Variants in SPTBN2 observed in about 807,000 individuals in gnomAD.
SPTBN2 encodes spectrin beta chain, non-erythrocytic 2.
In SPTBN2, 107 loss-of-function variants were observed where a neutral mutation model predicts 284.2. The ratio of observed to expected loss-of-function variants is 0.38; its 90% CI spans 0.32 to 0.44. The LOEUF is 0.44. Ranked by LOEUF, SPTBN2 falls within the 20% of genes least tolerant of loss-of-function variation. SPTBN2 has a pLI of 1.00. For synonymous variants in SPTBN2, 1,289 were observed against 1,354.8 expected, an observed-to-expected ratio of 0.95 and a Z score of 1.07; for missense variants, 2,569 against 3,287.1, an observed-to-expected ratio of 0.78 and a Z score of 5.34.
rs376246310 is a variant in SPTBN2, at chr11:66,701,661, G to A, written c.2739C>T (p.Asp913=). 3 of 1,614,000 alleles carry A rather than the reference G, an allele frequency of 1.9e-6. No homozygotes were observed. Among genetic ancestry groups the A allele is most frequent in the African/African-American group, 1.3e-5 (1 of 74,898 alleles). ...TGGCCTTCAGTAACTGCTCGGCAAT[G>A]TCATTCACCGCGGTGATTTGTGCTG... ...TLAAQITAVN[D]IAEQLLKANP... is the part of the protein sequence containing the mutation. Residue 913 remains aspartate (D), a synonymous_variant, in exon 16 of 38, where the codon GAC becomes GAT. Coordinates refer to ENST00000533211, the MANE Select transcript of SPTBN2 (RefSeq NM_006946.4).
chr11:66,741,691 G>C (rs1360612681), intron 1 of SPTBN2, among the ~76,000 whole-genome samples: 3 of 152,136 alleles, frequency 2.0e-5, no homozygotes, highest in African/African-American at 7.2e-5. Context: ...CCTTAACCAA[G>C]GGCAGGTCAT....
At chr11:66,702,974 T>TC (rs1389465560) in intron 15 of SPTBN2, among the ~76,000 whole-genome samples, 1 of 151,390 alleles carries the variant, frequency 6.6e-6, no homozygotes, top group Non-Finnish European at 1.5e-5. Flanking sequence ...AAAAAAACTT[T>TC]ATTTACAGAA....
chr11:66,694,371 C>T lies in SPTBN2; in HGVS notation c.4279-8G>A, dbSNP rs369614446. On this transcript the variant is annotated splice_polypyrimidine_tract_variant and splice_region_variant and intron_variant, in intron 21 of 37. Coordinates refer to ENST00000533211, the MANE Select transcript of SPTBN2 (RefSeq NM_006946.4). ...CATCTCCCATTCCAGCATCTGCAAA[C>T]CGCCAGGAGGAAGGACATGTTAGCT... is the stretch of plus-strand genomic sequence containing the variant. 845 of 1,613,550 alleles carry T rather than the reference C, an allele frequency of 5.2e-4. 11 individuals are homozygous for T. The South Asian group carries it at 8.6e-3, about 16-fold the overall frequency.
intron 13 of SPTBN2, among the ~76,000 whole-genome samples, chr11:66,706,309 C>A (rs754695514): frequency 6.6e-6 from 1 of 152,226 alleles, no homozygotes; most frequent in Non-Finnish European, 1.5e-5. Context: ...CTCTCCCCCT[C>A]TCAAAACCTT....
Position 66,692,742 on chromosome 11 carries a change from T to C in SPTBN2, c.4986-2A>G, listed in dbSNP as rs1450514987. On this transcript the variant is annotated splice_acceptor_variant, in intron 25 of 37. Transcript: ENST00000533211. LOFTEE classifies it high-confidence loss of function. ...GCTTGGCGGATGGATATCCGAGTGC[T>C]GCAAGAAGAGTGAGGGAGGCACTGT... is the stretch of plus-strand genomic sequence containing the variant. 1 of 1,601,200 alleles carries C rather than the reference T, an allele frequency of 6.2e-7. No individual in the cohort carries two copies.
chr11:66,730,560 A>G (rs1942793330), upstream of SPTBN2, among the ~76,000 whole-genome samples: 2 of 151,118 alleles, frequency 1.3e-5, no homozygotes, highest in South Asian at 4.2e-4. Flanking sequence ...AGCCTGGGCA[A>G]CAAGAACGAG....
Position 66,708,282 on chromosome 11 carries a change from C to T in SPTBN2, c.1209G>A (p.Glu403=). The T allele has an allele frequency of 6.3e-7, 1 of 1,594,032 alleles. No individual in the cohort carries two copies. Among genetic ancestry groups the T allele is most frequent in the African/African-American group, 1.3e-5 (1 of 74,730 alleles). Reference sequence around the variant, plus strand: ...CCAGCTCACGCTCGTGCTCCGCCTTCTCCAGCCGCTCCCAAGCCTATGGGG... The same window carrying T: ...CCAGCTCACGCTCGTGCTCCGCCTTTTCCAGCCGCTCCCAAGCCTATGGGG... The part of the protein sequence containing the change: ...SDINKAWERL[E]KAEHERELAL... Residue 403 remains glutamate, a synonymous_variant, in exon 12 of 38, where the codon GAG becomes GAA. Coordinates refer to ENST00000533211, the MANE Select transcript of SPTBN2 (RefSeq NM_006946.4). This position sits in a 1 kb window ranked among gnomAD's most constrained non-coding sequence, Gnocchi z 4.4.
At position 66,700,597 on chromosome 11, in the gene SPTBN2, G is replaced by A. The variant is rs777565990; in HGVS notation, c.3502C>T (p.Leu1168=). 1.2e-6 allele frequency: 2 copies of A among 1,607,934 alleles called. No individual in the cohort carries two copies. Among genetic ancestry groups the A allele is most frequent in the Admixed American group, 1.7e-5 (1 of 60,026 alleles). The change falls in exon 17 of 38, where the codon CTG becomes TTG. Residue 1168 remains leucine, a synonymous_variant. Coordinates refer to ENST00000533211, the MANE Select transcript of SPTBN2 (RefSeq NM_006946.4). The surrounding 1 kb of genome is among the most constrained non-coding windows in gnomAD (Gnocchi z 6.6). ...GRMWESRQGR[L]AQAHGFQGFL... is the part of the protein sequence containing the mutation. ...CCCTGGAAGCCGTGGGCCTGGGCCAGGCGACCTTGCCGGCTCTCCCACATT... is the reference window on the plus strand; with the variant it reads ...CCCTGGAAGCCGTGGGCCTGGGCCAAGCGACCTTGCCGGCTCTCCCACATT...
In SPTBN2 at chr11:66,683,812, G is replaced by T. The variant is rs1039814005; in HGVS notation, c.*2059C>A. 2.0e-5 allele frequency among the ~76,000 whole-genome samples: 3 copies of T among 152,216 alleles called. No homozygotes were observed. The highest frequency in any genetic ancestry group is 4.4e-5 in the Non-Finnish European group (3 of 68,036). ...TCAGTGCCCCCAGGCTTGCCAGCTT[G>T]GAGTGCAAATACCTAGATTCCCTGA... On this transcript the variant is annotated 3_prime_UTR_variant, in exon 38 of 38. Coordinates refer to ENST00000533211, the MANE Select transcript of SPTBN2 (RefSeq NM_006946.4).
intron 20 of SPTBN2, among the ~76,000 whole-genome samples, chr11:66,697,682 C>T (rs1940995967): frequency 6.6e-6 from 1 of 152,202 alleles, no homozygotes; most frequent in African/African-American, 2.4e-5. Flanking sequence ...TATCTCCTCT[C>T]TCCTTATTCC....
rs1436578138 is a variant in SPTBN2 at position 66,691,458 on chromosome 11, C to T, written c.5391G>A (p.Leu1797=). ...AGCGCTGCAGCTCGTACGCCGCGGC[C>T]AGCACCTGACCCCGTGTGTCCAGCA... is the stretch of plus-strand genomic sequence containing the variant. ...LELLDTRGQV[L]AAAYELQRFL... is the part of the protein sequence containing the mutation. Residue 1797 remains leucine (L), a synonymous_variant, in exon 27 of 38, where the codon CTG becomes CTA. Transcript: ENST00000533211. This position sits in a 1 kb window ranked among gnomAD's most constrained non-coding sequence, Gnocchi z 8.0. The T allele has an allele frequency of 6.2e-7, 1 of 1,611,782 alleles. No homozygotes were observed.
Position 66,685,748 on chromosome 11 carries a change from G to C in SPTBN2, c.*123C>G. 1.1e-6 allele frequency: 1 copy of C among 886,032 alleles called. No homozygotes were observed. The highest frequency in any genetic ancestry group is 1.4e-5 in the South Asian group (1 of 72,676). The allele number at this position is 886,032 out of a possible 1,614,324, so 54.9% of individuals were successfully genotyped here. A position where few individuals can be genotyped will look rare whatever the true frequency, so the allele number is the denominator to read the frequency against. Reference sequence around the variant, plus strand: ...TCCCCAGTGACAGTTCCTGGTGATGGGTTGACCTTGGCAACAGACCCTAGC... The same window carrying C: ...TCCCCAGTGACAGTTCCTGGTGATGCGTTGACCTTGGCAACAGACCCTAGC... On this transcript the variant is annotated 3_prime_UTR_variant, in exon 38 of 38. Coordinates refer to ENST00000533211, the MANE Select transcript of SPTBN2 (RefSeq NM_006946.4). This position sits in a 1 kb window ranked among gnomAD's most constrained non-coding sequence, Gnocchi z 4.4.
chr11:66,711,847 A>T (rs895011423), intron 8 of SPTBN2, among the ~76,000 whole-genome samples: 5 of 152,240 alleles, frequency 3.3e-5, no homozygotes, highest in South Asian at 4.1e-4. Flanking sequence ...CACTGCATGA[A>T]GCCTATGTCT....
At chr11:66,689,262 A>G in intron 29 of SPTBN2, 82 bp from the exon 30 acceptor site, 1 of 1,408,552 alleles carries the variant, frequency 7.1e-7, no homozygotes. Context: ...CCAGGGGGAC[A>G]GGTGATTTCT....
intron 36 of SPTBN2, 117 bp downstream of exon 36, chr11:66,686,877 T>A: frequency 7.1e-7 from 1 of 1,399,186 alleles, no homozygotes; most frequent in East Asian, 2.3e-5. Flanking sequence ...GTGGCTGGCC[T>A]GGTTACTCCA....
chr11:66,706,578 G>A (rs1467490286), intron 13 of SPTBN2, among the ~76,000 whole-genome samples: 6 of 150,632 alleles, frequency 4.0e-5, no homozygotes, highest in African/African-American at 7.3e-5. Context: ...TGATCCGCCC[G>A]CCTCGGCCTC....
intron 16 of SPTBN2, 36 bp downstream of exon 16, chr11:66,701,548 T>C (rs777024838): frequency 1.5e-5 from 24 of 1,614,034 alleles, no homozygotes; most frequent in Non-Finnish European, 2.0e-5. Flanking sequence ...GCTTCATTTT[T>C]CTGTCAGTTT....
rs1267157743 is a variant in SPTBN2, at chr11:66,718,915, G to A, written c.157+2169C>T. Among the ~76,000 whole-genome samples the A allele has an allele frequency of 6.6e-6, 1 of 152,198 alleles. No individual in the cohort carries two copies. ...GTGTGGCCGGCGGGGGCAGGGCCAG[G>A]CCCTGCGGGGCGGCGGAGGAGGGCA... On this transcript the variant is annotated intron_variant, in intron 3 of 37. Coordinates refer to ENST00000533211, the MANE Select transcript of SPTBN2 (RefSeq NM_006946.4). This position sits in a 1 kb window ranked among gnomAD's most constrained non-coding sequence, Gnocchi z 4.8.
intron 27 of SPTBN2, among the ~76,000 whole-genome samples, chr11:66,690,691 T>C (rs181522531): frequency 6.6e-6 from 1 of 152,278 alleles, no homozygotes; most frequent in African/African-American, 2.4e-5. Context: ...TGGGAAGCAC[T>C]AACAGGCTGA....
Sources: gnomAD v4.1 joint callset for allele counts (sites outside exome capture counted in the v4.1 genomes callset) on GRCh38, gnomAD v4.1.1 for gene constraint, Gnocchi (gnomAD v3.1) non-coding constraint, MANE v1.5 for transcripts, NCBI Gene and HGNC (gene_info 2026-07-23, HGNC 2026-07-21) for gene names.